Variants in CCDC102B observed in about 807,000 individuals in gnomAD.
CCDC102B encodes coiled-coil domain-containing protein 102B.
In CCDC102B, 75 loss-of-function variants were observed where a neutral mutation model predicts 57.4. The observed-to-expected ratio is 1.31, with a 90% CI of 1.08 to 1.58. The LOEUF (loss-of-function observed/expected upper bound fraction) is 1.58, where lower values mean the gene tolerates loss of function less well. Among genes scored for constraint, CCDC102B ranks in the 40% most tolerant of loss-of-function variants. The pLI, the probability that CCDC102B is intolerant of heterozygous loss-of-function variation, is 0.00. For missense variants in CCDC102B, 636 were observed against 582.6 expected (o/e 1.09, Z -0.94); for synonymous variants, 206 against 201.9 (o/e 1.02, Z -0.17).
Position 68,956,622 on chromosome 18 carries a change from A to G in CCDC102B, c.1264-54312A>G, listed in dbSNP as rs1473416394. 4.2e-5 allele frequency among the ~76,000 whole-genome samples: 5 copies of G among 118,144 alleles called. 1 individual carries two copies. The highest frequency in any genetic ancestry group is 6.7e-5 in the African/African-American group (2 of 29,972). The allele number at this position is 118,144 out of a possible 152,430, so 77.5% of individuals were successfully genotyped here. On this transcript the variant is annotated intron_variant, in intron 6 of 7. Coordinates refer to ENST00000360242, the MANE Select transcript of CCDC102B (RefSeq NM_024781.3). ...ATTATATATATATAAAATATATAAT[A>G]TATATATCGCACCATACATATAGCA...
rs780404572 is a variant in CCDC102B at position 68,837,174 on chromosome 18, G to A, written c.411G>A (p.Leu137=). ...LEMAMKELST[L]KKKQSLPPQK... ...TGGCGATGAAAGAATTGAGTACACT[G>A]AAAAAGAAACAGAGTTTGCCACCTC... Residue 137 remains leucine, a synonymous_variant, in exon 2 of 8, where the codon CTG becomes CTA. Transcript: ENST00000360242. 2 of 1,614,102 alleles carry A rather than the reference G, an allele frequency of 1.2e-6. No individual in the cohort carries two copies.
intron 4 of CCDC102B, among the ~76,000 whole-genome samples, chr18:68,849,051 A>C (rs1539894): frequency 0.66 from 99,837 of 151,902 alleles, 33,753 homozygotes; most frequent in Non-Finnish European, 0.73. Context: ...TTATAATATT[A>C]TTTCATAAAT....
At chr18:68,837,934 G>T (rs2037457778) in intron 2 of CCDC102B, among the ~76,000 whole-genome samples, 1 of 152,274 alleles carries the variant, frequency 6.6e-6, no homozygotes, top group East Asian at 1.9e-4. Flanking sequence ...ATTAAGGAAT[G>T]AATCATCCTA....
At chr18:68,973,417 T>A (rs2071216597) in intron 6 of CCDC102B, among the ~76,000 whole-genome samples, 1 of 152,154 alleles carries the variant, frequency 6.6e-6, no homozygotes, top group Non-Finnish European at 1.5e-5. Context: ...TTACTGAGTT[T>A]AACCCACAGC....
chr18:68,779,810 C>G lies in CCDC102B; in HGVS notation c.-66-43556C>G, dbSNP rs192296644. ...GCTTAGGCAAACTTGCTGCCTCACACATGGGTTGATTTTTTAAAAAGAAAA... is the reference window on the plus strand; with the variant it reads ...GCTTAGGCAAACTTGCTGCCTCACAGATGGGTTGATTTTTTAAAAAGAAAA... On this transcript the variant is annotated intron_variant, in intron 2 of 3. Transcript: ENST00000578970. 4.6e-3 allele frequency among the ~76,000 whole-genome samples: 696 copies of G among 152,178 alleles called. 1 individual carries two copies. The highest frequency in any genetic ancestry group is 0.031 in the Middle Eastern group (9 of 294).
At chr18:68,851,038 A>G (rs568122955) in intron 4 of CCDC102B, among the ~76,000 whole-genome samples, 17 of 152,290 alleles carry the variant, frequency 1.1e-4, no homozygotes, top group Admixed American at 5.2e-4. Flanking sequence ...TTGAACTGTC[A>G]GCTTCATGAG....
chr18:68,841,979 T>A (rs2037654542), intron 3 of CCDC102B, among the ~76,000 whole-genome samples: 1 of 152,084 alleles, frequency 6.6e-6, no homozygotes, highest in East Asian at 1.9e-4. Flanking sequence ...CCTCAAGTGA[T>A]CTAACCGCCT....
At chr18:68,867,778 C>A (rs1365470601) in intron 4 of CCDC102B, among the ~76,000 whole-genome samples, 32 of 151,148 alleles carry the variant, frequency 2.1e-4, no homozygotes, top group Middle Eastern at 3.4e-3. Context: ...ACTAAAAATA[C>A]AAAAAATTAG....
At chr18:69,000,952 A>G (rs1396354622) in intron 6 of CCDC102B, among the ~76,000 whole-genome samples, 2 of 152,142 alleles carry the variant, frequency 1.3e-5, no homozygotes, top group Non-Finnish European at 1.5e-5. Flanking sequence ...GTGATACAGT[A>G]TTTTATTTGG....
chr18:68,847,275 A>G (rs1428068693), intron 4 of CCDC102B, among the ~76,000 whole-genome samples: 1 of 151,784 alleles, frequency 6.6e-6, no homozygotes, highest in South Asian at 2.1e-4. Flanking sequence ...TGGCGTTCAC[A>G]ATACATTGAT....
chr18:68,937,910 A>G (rs910121679), intron 6 of CCDC102B, among the ~76,000 whole-genome samples: 4 of 152,132 alleles, frequency 2.6e-5, no homozygotes, highest in African/African-American at 9.6e-5. Context: ...TTCCAGCTTC[A>G]TCCATGTCTC....
intron 6 of CCDC102B, among the ~76,000 whole-genome samples, chr18:69,006,392 G>GATTGATTT (rs1435235453): frequency 4.2e-5 from 6 of 141,852 alleles, no homozygotes; most frequent in African/African-American, 1.6e-4. Flanking sequence ...ATAGCTTTGA[G>GATTGATTT]ATTTATTTAT....
chr18:68,736,976 T>C (rs895109601), intron 2 of CCDC102B, among the ~76,000 whole-genome samples: 4 of 151,914 alleles, frequency 2.6e-5, no homozygotes, highest in South Asian at 2.1e-4. Context: ...GACGATGATA[T>C]CCAGTGGCAC....
intron 7 of CCDC102B, among the ~76,000 whole-genome samples, chr18:69,050,972 A>C (rs1599905593): frequency 6.6e-6 from 1 of 152,046 alleles, no homozygotes; most frequent in South Asian, 2.1e-4. Flanking sequence ...ATAATCCTGA[A>C]CTCCTGGGCC....
intron 6 of CCDC102B, among the ~76,000 whole-genome samples, chr18:68,939,540 C>A (rs1325920551): frequency 6.6e-6 from 1 of 151,640 alleles, no homozygotes; most frequent in Non-Finnish European, 1.5e-5. Context: ...ACTATCTTGA[C>A]ATATAGTTTC....
In CCDC102B at chr18:68,837,339, A is replaced by G. The variant is rs569239178; in HGVS notation, c.576A>G (p.Gln192=). 39 of 1,609,488 alleles carry G rather than the reference A, an allele frequency of 2.4e-5. No homozygotes were observed. In the South Asian group the frequency reaches 4.1e-4, roughly 17 times the overall value. The change falls in exon 2 of 8, where the codon CAA becomes CAG. Residue 192 remains glutamine (Q), a synonymous_variant. Coordinates refer to ENST00000360242, the MANE Select transcript of CCDC102B (RefSeq NM_024781.3). ...TCAGAGAGTATTTGGTAAAAAGACA[A>G]TTTTCTACAAAGGAGGACACAAATA... is the stretch of plus-strand genomic sequence containing the variant. ...ESIREYLVKR[Q]FSTKEDTNNK... is the part of the protein sequence containing the mutation.
intron 6 of CCDC102B, among the ~76,000 whole-genome samples, chr18:68,935,429 T>C (rs535103025): frequency 6.6e-6 from 1 of 151,974 alleles, no homozygotes; most frequent in East Asian, 2.0e-4. Context: ...GGAGAGAGGA[T>C]TAAGAGGTGT....
At chr18:68,862,528 C>G (rs1462723484) in intron 4 of CCDC102B, among the ~76,000 whole-genome samples, 1 of 152,090 alleles carries the variant, frequency 6.6e-6, no homozygotes, top group African/African-American at 2.4e-5. Context: ...CTTACATGAA[C>G]TACCATCCAT....
intron 6 of CCDC102B, among the ~76,000 whole-genome samples, chr18:68,942,389 G>A (rs2145171232): frequency 6.6e-6 from 1 of 152,164 alleles, no homozygotes; most frequent in Non-Finnish European, 1.5e-5. Context: ...CAGGGGACCG[G>A]TGCTCAGCAT....
Sources: allele counts gnomAD v4.1 joint callset (sites outside exome capture counted in the v4.1 genomes callset), GRCh38; gene constraint gnomAD v4.1.1; transcripts MANE v1.5; gene names NCBI Gene and HGNC (gene_info 2026-07-23, HGNC 2026-07-21).